Variants in PRKD1 observed in about 807,000 individuals in gnomAD.
The protein encoded by PRKD1 is serine/threonine-protein kinase D1.
In PRKD1, 63 loss-of-function variants were observed where a neutral mutation model predicts 95.9. The ratio of observed to expected loss-of-function variants is 0.66; its 90% CI spans 0.54 to 0.81. The LOEUF (loss-of-function observed/expected upper bound fraction) is 0.81. PRKD1 is among the 30% of genes least tolerant of loss of function. The pLI is 0.00. For missense variants in PRKD1, 1,048 were observed against 1,165.3 expected (o/e 0.90, Z 1.47); for synonymous variants, 425 against 423.1 (o/e 1.00, Z -0.05).
intron 13 of PRKD1, among the ~76,000 whole-genome samples, chr14:29,617,033 T>TA (rs1173334291): frequency 6.6e-6 from 1 of 152,198 alleles, no homozygotes; most frequent in East Asian, 1.9e-4. Flanking sequence ...AGTTCTCACT[T>TA]ATAAGTGAGA....
intron 1 of PRKD1, among the ~76,000 whole-genome samples, chr14:29,760,861 TAATAA>T (rs1887945222): frequency 6.6e-6 from 1 of 152,216 alleles, no homozygotes; most frequent in Admixed American, 6.5e-5. Context: ...TATAGTTATA[TAATAA>T]AAGTTTATCC....
chr14:29,721,682 A>C (rs1039023804), intron 2 of PRKD1, among the ~76,000 whole-genome samples: 2 of 152,220 alleles, frequency 1.3e-5, no homozygotes, highest in African/African-American at 4.8e-5. Context: ...TGGTAAAAAA[A>C]AAAAAATTTC....
At chr14:29,679,425 C>A (rs1165791567) in intron 2 of PRKD1, among the ~76,000 whole-genome samples, 1 of 152,160 alleles carries the variant, frequency 6.6e-6, no homozygotes, top group Non-Finnish European at 1.5e-5. Context: ...CAGTGACATT[C>A]TCTGGATTAT....
chr14:29,593,507 G>T (rs1415428229), intron 16 of PRKD1, among the ~76,000 whole-genome samples: 1 of 152,148 alleles, frequency 6.6e-6, no homozygotes, highest in African/African-American at 2.4e-5. Flanking sequence ...GGTGTTAAGG[G>T]AGTTAACCAT....
chr14:29,725,357 C>T (rs1213662443), intron 2 of PRKD1, among the ~76,000 whole-genome samples, 179 bp downstream of exon 2: 1 of 152,150 alleles, frequency 6.6e-6, no homozygotes, highest in East Asian at 1.9e-4. Flanking sequence ...TGGGTGTGGA[C>T]ACAGCCAATT....
chr14:29,597,941 T>C lies in PRKD1; in HGVS notation c.2167-183A>G, dbSNP rs1201219766. Among the ~76,000 whole-genome samples, 7 of 152,190 alleles carry C rather than the reference T, an allele frequency of 4.6e-5. No homozygotes were observed. The East Asian group carries it at 1.3e-3, about 29-fold the overall frequency. ...TATTTGAAGACAGTGGTTTATGTAGTGATACAAAAGTATGTTTTCATTCAT... is the reference window on the plus strand; with the variant it reads ...TATTTGAAGACAGTGGTTTATGTAGCGATACAAAAGTATGTTTTCATTCAT... On this transcript the variant is annotated intron_variant, in intron 15 of 17. Coordinates refer to ENST00000331968, the MANE Select transcript of PRKD1 (RefSeq NM_002742.3).
chr14:29,868,207 A>G (rs1892977581), intron 1 of PRKD1, among the ~76,000 whole-genome samples: 1 of 152,128 alleles, frequency 6.6e-6, no homozygotes, highest in African/African-American at 2.4e-5. Flanking sequence ...CTGATGACTG[A>G]TGGTCAATCA....
At chr14:29,605,359 T>C (rs911880114) in intron 13 of PRKD1, among the ~76,000 whole-genome samples, 1 of 152,188 alleles carries the variant, frequency 6.6e-6, no homozygotes, top group Non-Finnish European at 1.5e-5. Context: ...TGCTTAAGTA[T>C]TTCTCCAGCT....
intron 1 of PRKD1, among the ~76,000 whole-genome samples, chr14:29,877,555 T>C (rs1893344910): frequency 6.6e-6 from 1 of 152,246 alleles, no homozygotes; most frequent in African/African-American, 2.4e-5. Flanking sequence ...TGTCATGAAA[T>C]TTTTGCCAGT....
intron 1 of PRKD1, among the ~76,000 whole-genome samples, chr14:29,793,135 G>A (rs1424659037): frequency 6.6e-6 from 1 of 151,922 alleles, no homozygotes; most frequent in Non-Finnish European, 1.5e-5. Flanking sequence ...AAATATACAA[G>A]GGTAACAAAA....
At chr14:29,824,736 T>G (rs970750227) in intron 1 of PRKD1, among the ~76,000 whole-genome samples, 3 of 152,148 alleles carry the variant, frequency 2.0e-5, no homozygotes, top group Non-Finnish European at 2.9e-5. Context: ...AATACATTCT[T>G]TACTGCTTAC....
chr14:29,872,080 T>A (rs1251908960), intron 1 of PRKD1, among the ~76,000 whole-genome samples: 1 of 152,196 alleles, frequency 6.6e-6, no homozygotes, highest in Non-Finnish European at 1.5e-5. Flanking sequence ...ATTCTCATAA[T>A]CTATTTATAT....
chr14:29,782,079 T>C (rs1170629115), intron 1 of PRKD1, among the ~76,000 whole-genome samples: 1 of 152,210 alleles, frequency 6.6e-6, no homozygotes, highest in Non-Finnish European at 1.5e-5. Context: ...AACCATTTGT[T>C]TTCCTAAAAC....
chr14:29,596,699 C>A (rs1893318661), intron 16 of PRKD1, among the ~76,000 whole-genome samples: 1 of 152,172 alleles, frequency 6.6e-6, no homozygotes, highest in Admixed American at 6.5e-5. Context: ...GTGATCCACA[C>A]TTGAAATATA....
intron 13 of PRKD1, among the ~76,000 whole-genome samples, chr14:29,609,714 A>C (rs2333607): frequency 0.033 from 4,391 of 131,614 alleles, 178 homozygotes; most frequent in Admixed American, 0.059. Flanking sequence ...CTATTTCTTT[A>C]TTTTTTTTTT....
chr14:29,711,400 A>C (rs542033580), intron 2 of PRKD1, among the ~76,000 whole-genome samples: 1 of 152,244 alleles, frequency 6.6e-6, no homozygotes, highest in East Asian at 1.9e-4. Flanking sequence ...CACAGCTATA[A>C]ACTAGATCCA....
intron 1 of PRKD1, among the ~76,000 whole-genome samples, chr14:29,726,354 C>G (rs1310445380): frequency 6.6e-6 from 1 of 152,012 alleles, no homozygotes; most frequent in Non-Finnish European, 1.5e-5. Context: ...AAGCAAACAA[C>G]CTAGGCTAAT....
At chr14:29,603,784 T>C (rs7156405) in intron 13 of PRKD1, among the ~76,000 whole-genome samples, 1 of 152,136 alleles carries the variant, frequency 6.6e-6, no homozygotes, top group Non-Finnish European at 1.5e-5. Flanking sequence ...CTTCTCAGGC[T>C]TTCCACAGAA....
At chr14:29,870,329 T>C (rs766985536) in intron 1 of PRKD1, among the ~76,000 whole-genome samples, 5 of 152,270 alleles carry the variant, frequency 3.3e-5, no homozygotes, top group Middle Eastern at 3.4e-3. Flanking sequence ...TGCAGTCCAA[T>C]ATGTATATTC....
Sources: allele counts gnomAD v4.1 joint callset (sites outside exome capture counted in the v4.1 genomes callset), GRCh38; gene constraint gnomAD v4.1.1; transcripts MANE v1.5; gene names NCBI Gene and HGNC (gene_info 2026-07-23, HGNC 2026-07-21).